Variants in ANO4 observed in about 807,000 individuals in gnomAD.
ANO4 encodes the protein anoctamin-4.
Under a neutral mutation model 141.9 loss-of-function variants are expected in ANO4, and 69 were observed. That is an observed-to-expected ratio of 0.49 (90% confidence interval 0.40 to 0.59). The LOEUF is 0.59. Ranked by LOEUF, ANO4 falls within the 20% of genes least tolerant of loss-of-function variation. The pLI is 0.00. For missense variants in ANO4, 894 were observed against 1,162.2 expected, an observed-to-expected ratio of 0.77 and a Z score of 3.36; for synonymous variants, 350 against 394.3, an observed-to-expected ratio of 0.89 and a Z score of 1.33.
chr12:100,870,045 A>T (rs1258618381), intron 1 of ANO4, among the ~76,000 whole-genome samples: 1 of 152,210 alleles, frequency 6.6e-6, no homozygotes, highest in African/African-American at 2.4e-5. Flanking sequence ...TCAGGATCTC[A>T]ATAGAAAACA....
chr12:100,727,144 C>G (rs986486992), intron 1 of ANO4, among the ~76,000 whole-genome samples: 1 of 152,100 alleles, frequency 6.6e-6, no homozygotes, highest in African/African-American at 2.4e-5. Context: ...TATATATTCC[C>G]TGACTGTCAG....
intron 3 of ANO4, among the ~76,000 whole-genome samples, chr12:100,782,217 TAAAG>T (rs2033731643): frequency 6.6e-6 from 1 of 152,216 alleles, no homozygotes; most frequent in Admixed American, 6.5e-5. Flanking sequence ...TTTCCGATGT[TAAAG>T]AAACTCATGC....
chr12:100,772,097 T>G (rs1213377350), intron 3 of ANO4, among the ~76,000 whole-genome samples: 1 of 152,118 alleles, frequency 6.6e-6, no homozygotes, highest in Non-Finnish European at 1.5e-5. Flanking sequence ...TGTCAGCAAT[T>G]AAAGAATATT....
chr12:100,975,097 T>A (rs1033625466), intron 7 of ANO4, among the ~76,000 whole-genome samples: 2 of 152,092 alleles, frequency 1.3e-5, no homozygotes, highest in Admixed American at 6.5e-5. Context: ...CAGTAACTTC[T>A]TCCCACTTGG....
At chr12:101,089,105 A>G (rs1042112901) in intron 17 of ANO4, among the ~76,000 whole-genome samples, 2 of 152,138 alleles carry the variant, frequency 1.3e-5, no homozygotes, top group African/African-American at 2.4e-5. Context: ...CTAATTTAAT[A>G]CTATTATCCA....
intron 1 of ANO4, among the ~76,000 whole-genome samples, chr12:100,852,020 G>T (rs1436865689): frequency 6.6e-6 from 1 of 152,100 alleles, no homozygotes; most frequent in Non-Finnish European, 1.5e-5. Flanking sequence ...ACCATTTTGG[G>T]TGCTTGGGTT....
At chr12:100,875,768 A>T (rs11110570) in intron 1 of ANO4, among the ~76,000 whole-genome samples, 7,179 of 152,118 alleles carry the variant, frequency 0.047, 226 homozygotes, top group Middle Eastern at 0.092. Flanking sequence ...TTCAAGAATG[A>T]CTTTCAGATT....
intron 1 of ANO4, among the ~76,000 whole-genome samples, chr12:100,822,717 A>G (rs1213149598): frequency 6.6e-6 from 1 of 151,996 alleles, no homozygotes; most frequent in African/African-American, 2.4e-5. Flanking sequence ...TGATAAGGTG[A>G]GGTGAGGAGG....
intron 1 of ANO4, among the ~76,000 whole-genome samples, chr12:100,867,972 A>G (rs1275798850): frequency 6.6e-6 from 1 of 152,184 alleles, no homozygotes; most frequent in Admixed American, 6.6e-5. Context: ...GTACTGGGGA[A>G]ATAACATCAG....
chr12:100,777,421 C>T (rs1402885639), intron 3 of ANO4, among the ~76,000 whole-genome samples: 2 of 151,168 alleles, frequency 1.3e-5, no homozygotes, highest in Admixed American at 1.3e-4. Flanking sequence ...GCCCAGCCCA[C>T]GTATCCTGAT....
chr12:100,795,212 T>C (rs1257790217), intron 1 of ANO4, among the ~76,000 whole-genome samples, 185 bp downstream of exon 1: 2 of 152,166 alleles, frequency 1.3e-5, no homozygotes, highest in African/African-American at 4.8e-5. Flanking sequence ...TCTTTTTATC[T>C]TTTTTCCATA....
chr12:100,987,986 G>A (rs1463499156), intron 8 of ANO4, among the ~76,000 whole-genome samples: 3 of 152,140 alleles, frequency 2.0e-5, no homozygotes, highest in Non-Finnish European at 2.9e-5. Context: ...CCCTGTGCAC[G>A]GAGCCCCCTG....
At chr12:101,047,211 T>C (rs2047667765) in intron 13 of ANO4, among the ~76,000 whole-genome samples, 1 of 152,172 alleles carries the variant, frequency 6.6e-6, no homozygotes, top group Middle Eastern at 3.2e-3. Context: ...ATTGCGCCAT[T>C]GCACTCCAGC....
chr12:100,927,809 A>C (rs2041933125), intron 3 of ANO4, among the ~76,000 whole-genome samples: 1 of 152,042 alleles, frequency 6.6e-6, no homozygotes, highest in South Asian at 2.1e-4. Flanking sequence ...TATATACTGT[A>C]GGGACACTCT....
intron 24 of ANO4, among the ~76,000 whole-genome samples, chr12:101,114,134 C>A (rs139958797): frequency 6.6e-6 from 1 of 152,326 alleles, no homozygotes; most frequent in African/African-American, 2.4e-5. Context: ...CAGTGATAGA[C>A]ATGGGCTCTC....
intron 8 of ANO4, among the ~76,000 whole-genome samples, chr12:100,997,199 T>TCG (rs2045421275): frequency 6.6e-6 from 1 of 151,832 alleles, no homozygotes; most frequent in Non-Finnish European, 1.5e-5. Context: ...CTAGGCGTGG[T>TCG]TGCGCGTGCC....
At chr12:100,747,887 C>G (rs1392155872) in intron 3 of ANO4, among the ~76,000 whole-genome samples, 3 of 152,122 alleles carry the variant, frequency 2.0e-5, no homozygotes, top group East Asian at 3.9e-4. Flanking sequence ...AGCAAACAAA[C>G]AAACAATACT....
At chr12:100,907,209 A>T (rs570388748) in intron 2 of ANO4, among the ~76,000 whole-genome samples, 1 of 152,158 alleles carries the variant, frequency 6.6e-6, no homozygotes, top group African/African-American at 2.4e-5. Flanking sequence ...CTCATTTTAC[A>T]CTGTCATTAT....
At chr12:100,894,832 G>A (rs1425178524) in intron 1 of ANO4, among the ~76,000 whole-genome samples, 2 of 151,752 alleles carry the variant, frequency 1.3e-5, no homozygotes, top group Non-Finnish European at 2.9e-5. Context: ...CGGGCGTGGT[G>A]GCGGGCGCCT....
Sources: gnomAD v4.1 joint callset for allele counts (sites outside exome capture counted in the v4.1 genomes callset) on GRCh38, gnomAD v4.1.1 for gene constraint, MANE v1.5 for transcripts, NCBI Gene and HGNC (gene_info 2026-07-23, HGNC 2026-07-21) for gene names.